Variants in SMIM36 observed in about 807,000 individuals in gnomAD.
SMIM36 encodes the protein small integral membrane protein 36.
intron 1 of SMIM36, among the ~76,000 whole-genome samples, chr17:55,508,331 AAAAC>A (rs901414802): frequency 5.2e-4 from 79 of 151,358 alleles, no homozygotes; most frequent in South Asian, 6.3e-4. Flanking sequence ...ATTTGTCCTG[AAAAC>A]AAACAAACAA....
At chr17:55,472,351 G>T (rs969450102) in intron 3 of SMIM36, among the ~76,000 whole-genome samples, 2 of 152,026 alleles carry the variant, frequency 1.3e-5, no homozygotes, top group Admixed American at 1.3e-4. Context: ...GCTCTCTCTC[G>T]CTAAAGGAAT....
chr17:55,455,776 G>A (rs1359734310), intron 4 of SMIM36, among the ~76,000 whole-genome samples: 1 of 151,018 alleles, frequency 6.6e-6, no homozygotes, highest in East Asian at 2.0e-4. Flanking sequence ...CTGGGTGACA[G>A]AAGGAGAGCT....
chr17:55,493,810 A>C (rs200392142), intron 1 of SMIM36, among the ~76,000 whole-genome samples: 780 of 27,046 alleles, frequency 0.029, 16 homozygotes, highest in African/African-American at 0.12. Context: ...CTCTCTCTCA[A>C]AAAAAAAAAA....
At chr17:55,473,196 C>T (rs1268784794) in intron 3 of SMIM36, among the ~76,000 whole-genome samples, 3 of 152,144 alleles carry the variant, frequency 2.0e-5, no homozygotes, top group East Asian at 1.9e-4. Flanking sequence ...CATCTCCTTC[C>T]CTTCATGGAA....
intron 1 of SMIM36, among the ~76,000 whole-genome samples, chr17:55,494,812 A>G (rs1909780565): frequency 6.6e-6 from 1 of 152,182 alleles, no homozygotes; most frequent in African/African-American, 2.4e-5. Flanking sequence ...ACACACAGGC[A>G]CACACGCACA....
the SMIM36 span, among the ~76,000 whole-genome samples, chr17:55,523,632 T>A: frequency 1.3e-5 from 2 of 151,844 alleles, no homozygotes; most frequent in East Asian, 3.9e-4. Flanking sequence ...GACATCTTGA[T>A]CTTGGACTTT....
At chr17:55,485,800 T>C (rs953959242) in intron 1 of SMIM36, among the ~76,000 whole-genome samples, 1 of 152,146 alleles carries the variant, frequency 6.6e-6, no homozygotes, top group African/African-American at 2.4e-5. Context: ...ATCTTACGTA[T>C]GAGGAAACGG....
intron 1 of SMIM36, among the ~76,000 whole-genome samples, chr17:55,500,997 ATG>A (rs1909921746): frequency 3.0e-5 from 1 of 33,586 alleles, no homozygotes. Context: ...ATATTATAAT[ATG>A]TAACATATTA....
chr17:55,501,412 TATAAAATATA>T, intron 1 of SMIM36, among the ~76,000 whole-genome samples: 1 of 22,068 alleles, frequency 4.5e-5, no homozygotes, highest in Non-Finnish European at 6.9e-5. Flanking sequence ...TATTATATAT[TATAAAATATA>T]ATATATTATT....
chr17:55,491,302 T>A (rs1272581691), intron 1 of SMIM36, among the ~76,000 whole-genome samples: 1 of 146,346 alleles, frequency 6.8e-6, no homozygotes, highest in Non-Finnish European at 1.5e-5. Context: ...CAAATATTAA[T>A]TAAAAAAAGA....
At chr17:55,471,866 C>G (rs556620422) in intron 3 of SMIM36, among the ~76,000 whole-genome samples, 16 of 152,332 alleles carry the variant, frequency 1.1e-4, no homozygotes, top group South Asian at 1.0e-3. Context: ...CTGCCTGAGG[C>G]AGCAGCCGCC....
chr17:55,460,433 CA>C (rs1222808959), intron 4 of SMIM36, among the ~76,000 whole-genome samples: 4,368 of 77,658 alleles, frequency 0.056, 279 homozygotes, highest in African/African-American at 0.15. Flanking sequence ...TGTCTGGAAA[CA>C]AAAAACAAAA....
At chr17:55,521,735 A>T in the SMIM36 span, among the ~76,000 whole-genome samples, 1 of 152,168 alleles carries the variant, frequency 6.6e-6, no homozygotes, top group Non-Finnish European at 1.5e-5. Flanking sequence ...AATTGTCAGG[A>T]TGCTGAAAGC....
chr17:55,494,516 C>T (rs921742595), intron 1 of SMIM36, among the ~76,000 whole-genome samples: 4 of 152,098 alleles, frequency 2.6e-5, no homozygotes, highest in African/African-American at 9.7e-5. Flanking sequence ...GCCCATTACA[C>T]ATAGACAAAC....
intron 1 of SMIM36, among the ~76,000 whole-genome samples, chr17:55,497,623 G>A (rs1042466137): frequency 6.6e-6 from 1 of 152,114 alleles, no homozygotes; most frequent in African/African-American, 2.4e-5. Flanking sequence ...CTACTTGGGA[G>A]GCTGAGGCAG....
chr17:55,491,108 G>C (rs970177595), intron 1 of SMIM36, among the ~76,000 whole-genome samples: 5 of 151,926 alleles, frequency 3.3e-5, no homozygotes, highest in Non-Finnish European at 7.4e-5. Flanking sequence ...TTAGCCTGAT[G>C]TGGTGGTGCT....
chr17:55,515,235 A>T (rs1001656045), upstream of SMIM36, among the ~76,000 whole-genome samples: 5 of 152,008 alleles, frequency 3.3e-5, no homozygotes, highest in Admixed American at 6.6e-5. Flanking sequence ...GATTTTCAAA[A>T]GTCCACTTGT....
intron 3 of SMIM36, among the ~76,000 whole-genome samples, chr17:55,471,874 G>A (rs542291072): frequency 4.1e-4 from 63 of 152,278 alleles, no homozygotes; most frequent in African/African-American, 1.5e-3. Context: ...GGCAGCAGCC[G>A]CCTCTTTAAT....
At chr17:55,460,580 G>A (rs1486787428) in intron 4 of SMIM36, among the ~76,000 whole-genome samples, 4 of 149,722 alleles carry the variant, frequency 2.7e-5, no homozygotes, top group African/African-American at 9.9e-5. Context: ...TAAATAGGCC[G>A]GGAGCAGTGG....
Sources: allele counts gnomAD v4.1 joint callset (sites outside exome capture counted in the v4.1 genomes callset), GRCh38; gene constraint gnomAD v4.1.1; transcripts MANE v1.5; gene names NCBI Gene and HGNC (gene_info 2026-07-23, HGNC 2026-07-21).